Variants in CLEC16A observed in about 807,000 individuals in gnomAD.
The protein encoded by CLEC16A is protein CLEC16A.
A neutral mutation model predicts 109.5 loss-of-function variants in CLEC16A; 51 were observed. That is an observed-to-expected ratio of 0.47 (90% CI 0.37 to 0.59). CLEC16A has a LOEUF of 0.59. Among genes scored for constraint, CLEC16A ranks in the 20% least tolerant of loss-of-function variants. The pLI is 0.00. For synonymous variants in CLEC16A, 673 were observed against 564.2 expected (o/e 1.19, Z -2.73); for missense variants, 1,339 against 1,394.0 (o/e 0.96, Z 0.63).
At chr16:11,139,400 G>A (rs2053719530) in intron 22 of CLEC16A, among the ~76,000 whole-genome samples, 1 of 152,192 alleles carries the variant, frequency 6.6e-6, no homozygotes, top group South Asian at 2.1e-4. Flanking sequence ...CAGCTGTCCA[G>A]CCATGGCATT....
intron 22 of CLEC16A, among the ~76,000 whole-genome samples, chr16:11,154,109 C>G (rs926009231): frequency 2.0e-5 from 3 of 152,246 alleles, no homozygotes; most frequent in African/African-American, 7.2e-5. Flanking sequence ...CATGCGCAGA[C>G]AGGGCAAAGA....
At chr16:11,016,088 T>C (rs2045728378) in intron 11 of CLEC16A, among the ~76,000 whole-genome samples, 1 of 152,206 alleles carries the variant, frequency 6.6e-6, no homozygotes, top group Non-Finnish European at 1.5e-5. Context: ...TTATAAATTA[T>C]ATATAATATG....
chr16:10,997,268 AGT>A (rs2044386146), intron 10 of CLEC16A, among the ~76,000 whole-genome samples: 1 of 152,212 alleles, frequency 6.6e-6, no homozygotes, highest in Non-Finnish European at 1.5e-5. Context: ...AGCCTGGGAA[AGT>A]TTTTAAATTG....
chr16:10,964,502 G>A (rs752986935), intron 3 of CLEC16A, among the ~76,000 whole-genome samples: 1 of 152,250 alleles, frequency 6.6e-6, no homozygotes, highest in Non-Finnish European at 1.5e-5. Flanking sequence ...CACAGTGGCT[G>A]CAGCATAGAG....
At chr16:11,146,982 C>T (rs1455130316) in intron 22 of CLEC16A, among the ~76,000 whole-genome samples, 1 of 152,106 alleles carries the variant, frequency 6.6e-6, no homozygotes, top group African/African-American at 2.4e-5. Flanking sequence ...AGTTAATGTC[C>T]AGTAAGGGGA....
In CLEC16A at chr16:10,954,195, C is replaced by G. The variant is rs1439619454; in HGVS notation, c.81-3587C>G. Among the ~76,000 whole-genome samples, 3 of 146,812 alleles carry G rather than the reference C, an allele frequency of 2.0e-5. No homozygotes were observed. The highest frequency in any genetic ancestry group is 6.7e-5 in the Admixed American group (1 of 14,930). On this transcript the variant is annotated intron_variant, in intron 1 of 23. Coordinates refer to ENST00000409790, the MANE Select transcript of CLEC16A (RefSeq NM_015226.3). The surrounding 1 kb of genome is among the most constrained non-coding windows in gnomAD (Gnocchi z 4.2). The stretch of plus-strand genomic sequence containing the variant: ...AAATGGAGTTCTCAGACCTTTCTTC[C>G]TGGCCACAGGTCTGTGGGCGAGCTA...
At chr16:11,114,051 A>G (rs2051791716) in intron 19 of CLEC16A, among the ~76,000 whole-genome samples, 1 of 152,010 alleles carries the variant, frequency 6.6e-6, no homozygotes, top group African/African-American at 2.4e-5. Flanking sequence ...TGATGTTATC[A>G]GACATGTTTA....
rs1447085605 is a variant in CLEC16A, at chr16:10,944,579, G to A, written c.-139G>A. 1 of 813,704 alleles carries A rather than the reference G, an allele frequency of 1.2e-6. No homozygotes were observed. The highest frequency in any genetic ancestry group is 1.9e-6 in the Non-Finnish European group (1 of 516,786). 50.4% of individuals were successfully genotyped at this position (813,704 alleles called of 1,614,324 possible). A position where few individuals can be genotyped will look rare whatever the true frequency, so the allele number is the denominator to read the frequency against. On this transcript the variant is annotated 5_prime_UTR_variant, in exon 1 of 24. Transcript: ENST00000409790. ...GCTGAATGTCAGTGCTGGGCTGTGG[G>A]CCGGGGAGGAAGGCGGCTCGCGGTT...
intron 19 of CLEC16A, among the ~76,000 whole-genome samples, chr16:11,088,201 C>T (rs2050115507): frequency 6.6e-6 from 1 of 152,216 alleles, no homozygotes; most frequent in African/African-American, 2.4e-5. Flanking sequence ...GAAAGAAATC[C>T]TCTGGAATCC....
rs879908915 is a variant in CLEC16A, at chr16:10,977,062, T to G, written c.729-163T>G. ...AATTGATTTTAGTAAACCTGCCCATTTTCCCTTGTATATCTCCCCAGTAGG... is the reference window on the plus strand; with the variant it reads ...AATTGATTTTAGTAAACCTGCCCATGTTCCCTTGTATATCTCCCCAGTAGG... On this transcript the variant is annotated intron_variant, in intron 7 of 23. Transcript: ENST00000409790. 9.9e-5 allele frequency among the ~76,000 whole-genome samples: 15 copies of G among 152,178 alleles called. 1 individual carries two copies. The highest frequency in any genetic ancestry group is 9.8e-4 in the Admixed American group (15 of 15,280).
chr16:10,972,505 C>T (rs1355403405), intron 5 of CLEC16A, 49 bp from the exon 6 acceptor site: 1 of 1,594,844 alleles, frequency 6.3e-7, no homozygotes, highest in South Asian at 1.1e-5. Context: ...TAACTGTTGT[C>T]TGTTTTTTGC....
At chr16:11,047,366 T>G (rs377225802) in intron 17 of CLEC16A, 24 bp downstream of exon 17, 2 of 1,591,956 alleles carry the variant, frequency 1.3e-6, no homozygotes, top group Non-Finnish European at 8.6e-7. Flanking sequence ...TGGGACACAC[T>G]TGGGCTGGTG....
At chr16:10,979,743 A>G (rs961712743) in intron 9 of CLEC16A, among the ~76,000 whole-genome samples, 1 of 152,178 alleles carries the variant, frequency 6.6e-6, no homozygotes, top group Non-Finnish European at 1.5e-5. Flanking sequence ...GAAGCCCCAC[A>G]CTGCAGAACC....
chr16:11,043,636 G>A (rs903927261), intron 15 of CLEC16A, among the ~76,000 whole-genome samples: 9 of 151,820 alleles, frequency 5.9e-5, no homozygotes, highest in African/African-American at 1.9e-4. Flanking sequence ...AGGCCGAGGC[G>A]GGCAGATCAC....
At chr16:11,081,216 T>C (rs2049696524) in intron 19 of CLEC16A, among the ~76,000 whole-genome samples, 1 of 152,208 alleles carries the variant, frequency 6.6e-6, no homozygotes, top group Non-Finnish European at 1.5e-5. Flanking sequence ...GCATGCCCAG[T>C]GGGCCCCTGG....
chr16:11,141,250 C>T (rs2053812537), intron 22 of CLEC16A, among the ~76,000 whole-genome samples: 1 of 152,242 alleles, frequency 6.6e-6, no homozygotes, highest in Non-Finnish European at 1.5e-5. Context: ...TGAGCACCTG[C>T]CCTGTTGGAG....
intron 10 of CLEC16A, among the ~76,000 whole-genome samples, chr16:10,990,423 G>A (rs1394959114): frequency 6.6e-6 from 1 of 152,222 alleles, no homozygotes; most frequent in Non-Finnish European, 1.5e-5. Context: ...AAGGTGGGCT[G>A]GACAACTGAG....
At chr16:10,968,308 G>A (rs565838048) in intron 3 of CLEC16A, among the ~76,000 whole-genome samples, 151 of 152,308 alleles carry the variant, frequency 9.9e-4, no homozygotes, top group African/African-American at 3.5e-3. Context: ...TGATTTCAGT[G>A]GCAAACATGT....
intron 10 of CLEC16A, among the ~76,000 whole-genome samples, chr16:10,998,456 T>C (rs2044461753): frequency 6.6e-6 from 1 of 152,184 alleles, no homozygotes; most frequent in Admixed American, 6.5e-5. Context: ...ATTTGGGACA[T>C]GTAGACCTTC....
Sources: gnomAD v4.1 joint callset for allele counts (sites outside exome capture counted in the v4.1 genomes callset) on GRCh38, gnomAD v4.1.1 for gene constraint, Gnocchi (gnomAD v3.1) non-coding constraint, MANE v1.5 for transcripts, NCBI Gene and HGNC (gene_info 2026-07-23, HGNC 2026-07-21) for gene names.